ST6GAL1: variants seen among roughly 807,000 people sequenced by gnomAD.
ST6GAL1 encodes the protein beta-galactoside alpha-2,6-sialyltransferase 1.
In ST6GAL1, 20 loss-of-function variants were observed where a neutral mutation model predicts 38.0. That is an observed-to-expected ratio of 0.53 (90% CI 0.37 to 0.77). ST6GAL1 has a LOEUF of 0.77. ST6GAL1 is among the 30% of genes least tolerant of loss of function. ST6GAL1 has a pLI of 0.00. For synonymous variants in ST6GAL1, 196 were observed against 188.2 expected (o/e 1.04, Z -0.34); for missense variants, 432 against 496.4 (o/e 0.87, Z 1.23).
chr3:186,937,268 C>A (rs1304043856), intron 1 of ST6GAL1, among the ~76,000 whole-genome samples: 1 of 152,114 alleles, frequency 6.6e-6, no homozygotes, highest in Admixed American at 6.5e-5. Context: ...GTGTGGGCCC[C>A]TGGGATCTGA....
chr3:186,993,425 A>T (rs1007304370), intron 2 of ST6GAL1, among the ~76,000 whole-genome samples: 1 of 152,208 alleles, frequency 6.6e-6, no homozygotes, highest in African/African-American at 2.4e-5. Flanking sequence ...CGTGTTAGCG[A>T]GATGGAAGAC....
At position 186,983,416 on chromosome 3, in the gene ST6GAL1, A is replaced by G. The variant is rs796105280; in HGVS notation, c.-183+19490A>G. Among the ~76,000 whole-genome samples, 37 of 152,316 alleles carry G rather than the reference A, an allele frequency of 2.4e-4. 2 individuals are homozygous for G. Among genetic ancestry groups the G allele is most frequent in the African/African-American group, 7.7e-4 (32 of 41,568 alleles). The stretch of plus-strand genomic sequence containing the variant: ...AAAGAGAGGGAGGCAGATTTAAGAA[A>G]TATTCTGAGAGTAGAAAATAGAAGC... On this transcript the variant is annotated intron_variant, in intron 2 of 7. Coordinates refer to ENST00000169298, the MANE Select transcript of ST6GAL1 (RefSeq NM_173216.2).
chr3:186,985,217 C>G (rs1272241589), intron 2 of ST6GAL1, among the ~76,000 whole-genome samples: 1 of 151,980 alleles, frequency 6.6e-6, no homozygotes, highest in East Asian at 1.9e-4. Context: ...CCCTATCCCC[C>G]CTTTCTTGTA....
chr3:187,073,756 C>T (rs763557563), intron 6 of ST6GAL1: 1 of 157,818 alleles, frequency 6.3e-6, no homozygotes, highest in South Asian at 2.0e-4. Flanking sequence ...TCACTTAGAA[C>T]TCAAATTTGC....
chr3:187,040,920 C>A (rs551039285), intron 3 of ST6GAL1, among the ~76,000 whole-genome samples: 2 of 152,292 alleles, frequency 1.3e-5, no homozygotes, highest in East Asian at 3.9e-4. Flanking sequence ...GTTGGTACTG[C>A]CAATGGATTC....
Position 187,075,725 on chromosome 3 carries a change from T to C in ST6GAL1, c.1143T>C (p.His381=). The C allele has an allele frequency of 6.2e-7, 1 of 1,614,182 alleles. No homozygotes were observed. The highest frequency in any genetic ancestry group is 1.1e-5 in the South Asian group (1 of 91,074). ...PLLYEKNLVK[H]LNQGTDEDIY... is the part of the protein sequence containing the mutation. ...TCTATGAGAAGAATTTGGTGAAGCA[T>C]CTCAACCAGGGCACAGATGAGGACA... The change falls in exon 8 of 8, where the codon CAT becomes CAC. Residue 381 remains histidine, a synonymous_variant. Coordinates refer to ENST00000169298, the MANE Select transcript of ST6GAL1 (RefSeq NM_173216.2). This position sits in a 1 kb window ranked among gnomAD's most constrained non-coding sequence, Gnocchi z 4.1.
At chr3:187,018,114 G>T (rs1411975073) in intron 2 of ST6GAL1, among the ~76,000 whole-genome samples, 4 of 152,174 alleles carry the variant, frequency 2.6e-5, no homozygotes, top group Non-Finnish European at 5.9e-5. Context: ...CCTTTGCCTG[G>T]TGAGTGCTGA....
At chr3:186,953,864 G>A (rs1239384274) in intron 1 of ST6GAL1, among the ~76,000 whole-genome samples, 1 of 150,960 alleles carries the variant, frequency 6.6e-6, no homozygotes, top group East Asian at 1.9e-4. Context: ...TACATGTGTA[G>A]GATGTGCAGG....
intron 2 of ST6GAL1, among the ~76,000 whole-genome samples, chr3:186,967,294 C>T (rs564269875): frequency 2.0e-5 from 3 of 152,288 alleles, no homozygotes; most frequent in East Asian, 3.9e-4. Flanking sequence ...TGGGTTCAAG[C>T]GAGTCTCCTA....
Position 187,074,301 on chromosome 3 carries a change from T to C in ST6GAL1, c.947T>C (p.Ile316Thr). ...CTTCAAGAAATCTCCCCAGAAGAGATTCAGCCAAACCCCCCATCCTCTGGG... is the reference window on the plus strand; with the variant it reads ...CTTCAAGAAATCTCCCCAGAAGAGACTCAGCCAAACCCCCCATCCTCTGGG... ...DILQEISPEE[I>T]QPNPPSSGML... The change falls in exon 7 of 8, where the codon ATT becomes ACT. Residue 316 changes from isoleucine to threonine, a missense_variant. Physicochemically the swap from Ile to Thr is moderately conservative, Grantham distance 89 (BLOSUM62 -1). Coordinates refer to ENST00000169298, the MANE Select transcript of ST6GAL1 (RefSeq NM_173216.2). 6.2e-7 allele frequency: 1 copy of C among 1,602,576 alleles called. No homozygotes were observed.
chr3:187,004,156 C>T (rs2108554525), intron 2 of ST6GAL1, among the ~76,000 whole-genome samples: 1 of 152,364 alleles, frequency 6.6e-6, no homozygotes, highest in African/African-American at 2.4e-5. Context: ...ATGTGATGTG[C>T]CTGCTTCTGC....
intron 5 of ST6GAL1, among the ~76,000 whole-genome samples, chr3:187,064,153 A>T (rs1408755369): frequency 2.0e-5 from 3 of 152,190 alleles, no homozygotes; most frequent in Admixed American, 6.5e-5. Flanking sequence ...TTTTTAGGGA[A>T]AAAAAGGTAA....
At chr3:186,936,057 G>C (rs992598999) in intron 1 of ST6GAL1, among the ~76,000 whole-genome samples, 1 of 152,162 alleles carries the variant, frequency 6.6e-6, no homozygotes, top group Non-Finnish European at 1.5e-5. Flanking sequence ...TTCTTTGTCC[G>C]AGGGAAGTCC....
intron 4 of ST6GAL1, among the ~76,000 whole-genome samples, chr3:187,048,969 T>TA (rs1263786874): frequency 6.9e-6 from 1 of 145,188 alleles, no homozygotes; most frequent in Non-Finnish European, 1.5e-5. Flanking sequence ...CGGCTCACGC[T>TA]AACCCCCGCC....
chr3:187,030,177 G>A (rs570097008), intron 2 of ST6GAL1, among the ~76,000 whole-genome samples: 2 of 152,126 alleles, frequency 1.3e-5, no homozygotes, highest in African/African-American at 2.4e-5. Context: ...TTCAGGCAAC[G>A]AAGCACGGTA....
chr3:187,065,766 T>C (rs1008117700), intron 5 of ST6GAL1, among the ~76,000 whole-genome samples: 1 of 152,204 alleles, frequency 6.6e-6, no homozygotes, highest in Admixed American at 6.5e-5. Flanking sequence ...GATTACTCAG[T>C]GGGGCTTATC....
intron 1 of ST6GAL1, among the ~76,000 whole-genome samples, chr3:186,954,865 T>C (rs1714696866): frequency 6.6e-6 from 1 of 152,218 alleles, no homozygotes; most frequent in South Asian, 2.1e-4. Flanking sequence ...TCTGCTTTTG[T>C]TGTAATTGCT....
At chr3:187,040,918 T>G (rs757400148) in intron 3 of ST6GAL1, among the ~76,000 whole-genome samples, 4 of 152,332 alleles carry the variant, frequency 2.6e-5, no homozygotes, top group South Asian at 2.1e-4. Context: ...TGGTTGGTAC[T>G]GCCAATGGAT....
chr3:187,029,409 T>C (rs1474135321), intron 2 of ST6GAL1, among the ~76,000 whole-genome samples: 1 of 152,168 alleles, frequency 6.6e-6, no homozygotes, highest in Non-Finnish European at 1.5e-5. Context: ...CATAGCCAGT[T>C]CATCTATAGT....
Sources: gnomAD v4.1 joint callset for allele counts (sites outside exome capture counted in the v4.1 genomes callset) on GRCh38, gnomAD v4.1.1 for gene constraint, Gnocchi (gnomAD v3.1) non-coding constraint, MANE v1.5 for transcripts, NCBI Gene and HGNC (gene_info 2026-07-23, HGNC 2026-07-21) for gene names.